Variants in MTMR1 observed in about 807,000 individuals in gnomAD.
MTMR1 encodes myotubularin related protein 1, also known as phosphatidylinositol-3-phosphate phosphatase MTMR1.
MTMR1 carries 17 observed loss-of-function variants against 51.6 expected under a neutral mutation model. The observed-to-expected ratio is 0.33, with a 90% CI of 0.23 to 0.49. The LOEUF (loss-of-function observed/expected upper bound fraction) is 0.49, where lower values mean the gene tolerates loss of function less well. Among genes scored for constraint, MTMR1 ranks in the 20% least tolerant of loss-of-function variants. The pLI is 0.99. For missense variants in MTMR1, 386 were observed against 526.9 expected, an observed-to-expected ratio of 0.73 and a Z score of 2.62; for synonymous variants, 201 against 205.6, an observed-to-expected ratio of 0.98 and a Z score of 0.19.
intron 5 of MTMR1, 146 bp downstream of exon 5, chrX:150,727,455 T>C: frequency 1.9e-6 from 1 of 524,986 alleles, no homozygotes; most frequent in Non-Finnish European, 3.0e-6. Flanking sequence ...AAACAGATGT[T>C]TGTATCTTGA....
chrX:150,716,743 T>C (rs897939104), intron 3 of MTMR1, among the ~76,000 whole-genome samples: 12 of 112,704 alleles, frequency 1.1e-4, no homozygotes, highest in African/African-American at 3.9e-4. Flanking sequence ...GTGATGAAAC[T>C]ACTATGTGTA....
At position 150,731,609 on chromosome X, in the gene MTMR1, G is replaced by A; in HGVS notation, c.881G>A (p.Gly294Asp). 1 of 1,200,438 alleles carries A rather than the reference G, an allele frequency of 8.3e-7. No individual in the cohort carries two copies. Among genetic ancestry groups the A allele is most frequent in the Non-Finnish European group, 1.1e-6 (1 of 889,217 alleles). Residue 294 changes from glycine (G) to aspartate (D), a missense_variant, in exon 9 of 16, where the codon GGC becomes GAC. Coordinates refer to ENST00000445323, the MANE Select transcript of MTMR1 (RefSeq NM_001306144.3). ...LSKVAAFRAKGRVPVLSWIHP... is the reference protein window; with the variant it reads ...LSKVAAFRAKDRVPVLSWIHP... ...AAAGTGGCAGCTTTTCGAGCAAAAG[G>A]CAGAGTCCCTGTAAGTAATAAACAT...
intron 4 of MTMR1, among the ~76,000 whole-genome samples, chrX:150,724,911 C>T (rs376637493): frequency 1.4e-4 from 16 of 111,632 alleles, no homozygotes; most frequent in African/African-American, 3.6e-4. Context: ...TATTTCTGGG[C>T]GCTCTATTCT....
At chrX:150,762,457 C>G in intron 15 of MTMR1, 108 bp from the exon 16 acceptor site, 2 of 1,033,603 alleles carry the variant, frequency 1.9e-6, no homozygotes, top group Non-Finnish European at 2.7e-6. Context: ...TTTGGCCGCT[C>G]CAGGAGTCTG....
At chrX:150,695,879 A>T (rs1421354982) in intron 1 of MTMR1, among the ~76,000 whole-genome samples, 1 of 111,130 alleles carries the variant, frequency 9.0e-6, no homozygotes, top group African/African-American at 3.3e-5. Context: ...GTGGATTTTC[A>T]AGATGCTTAC....
intron 15 of MTMR1, among the ~76,000 whole-genome samples, chrX:150,758,282 T>C (rs2042964966): frequency 9.0e-6 from 1 of 111,087 alleles, no homozygotes; most frequent in Non-Finnish European, 1.9e-5. Context: ...CCCAGTCCTC[T>C]GGGATATTGG....
chrX:150,705,253 A>T (rs923373463), intron 2 of MTMR1, among the ~76,000 whole-genome samples: 1 of 111,641 alleles, frequency 9.0e-6, no homozygotes, highest in Middle Eastern at 4.2e-3. Context: ...TCTAACACTG[A>T]TGTCGTCAAA....
At chrX:150,762,511 A>C in intron 15 of MTMR1, 54 bp from the exon 16 acceptor site, 3 of 1,197,378 alleles carry the variant, frequency 2.5e-6, no homozygotes, top group Non-Finnish European at 3.4e-6. Flanking sequence ...CCATGTGGAA[A>C]CGCTGTGGTA....
chrX:150,721,424 G>A (rs1461478431), intron 4 of MTMR1, among the ~76,000 whole-genome samples: 5 of 111,519 alleles, frequency 4.5e-5, no homozygotes, highest in African/African-American at 6.5e-5. Flanking sequence ...TCTTTTGTGC[G>A]AAGGTTTTTA....
chrX:150,746,846 T>C (rs2042587739), intron 13 of MTMR1, among the ~76,000 whole-genome samples: 2 of 112,573 alleles, frequency 1.8e-5, no homozygotes, highest in Admixed American at 1.9e-4. Flanking sequence ...GTTAATGCAT[T>C]AGCACAGACA....
intron 2 of MTMR1, among the ~76,000 whole-genome samples, chrX:150,708,267 G>A (rs2041183386): frequency 8.9e-6 from 1 of 111,772 alleles, no homozygotes. Context: ...TCTCACAACT[G>A]CATGTGGTTC....
chrX:150,709,112 G>T (rs2042877462), intron 2 of MTMR1, among the ~76,000 whole-genome samples: 1 of 112,255 alleles, frequency 8.9e-6, no homozygotes. Context: ...GGCCCAGAAT[G>T]CAGGCATTAG....
intron 12 of MTMR1, among the ~76,000 whole-genome samples, chrX:150,738,429 T>C (rs781960143): frequency 8.9e-5 from 10 of 112,462 alleles, no homozygotes; most frequent in South Asian, 7.3e-4. Flanking sequence ...TGAAGAATAC[T>C]GCGTGAATGT....
intron 13 of MTMR1, 51 bp from the exon 14 acceptor site, chrX:150,750,675 ATTAC>A: frequency 1.3e-6 from 1 of 780,593 alleles, no homozygotes; most frequent in Non-Finnish European, 1.9e-6. Context: ...AAAAAGTAAT[ATTAC>A]TTTTAGAAAT....
Position 150,727,279 on chromosome X carries a change from C to T in MTMR1, c.417C>T (p.Asp139=). Residue 139 remains aspartate (D), a synonymous_variant, in exon 5 of 16, where the codon GAC becomes GAT. Coordinates refer to ENST00000445323, the MANE Select transcript of MTMR1 (RefSeq NM_001306144.3). ...GAVSGTLTVT[D]FKLYFKNVER... is the part of the protein sequence containing the mutation. ...TGAGTGGAACCCTGACAGTGACGGA[C>T]TTTAAGCTGTACTTCAAAAATGTCG... The T allele has an allele frequency of 1.7e-6, 2 of 1,208,362 alleles. No individual in the cohort carries two copies. The highest frequency in any genetic ancestry group is 2.2e-6 in the Non-Finnish European group (2 of 892,908).
chrX:150,750,672 A>G (rs782217554), intron 13 of MTMR1, 58 bp from the exon 14 acceptor site: 1 of 749,374 alleles, frequency 1.3e-6, no homozygotes, highest in Non-Finnish European at 2.0e-6. Flanking sequence ...ATAAAAAAGT[A>G]ATATTACTTT....
chrX:150,764,696 T>TAAAGA lies in MTMR1; in HGVS notation c.*1969_*1973dup, dbSNP rs782531615. On this transcript the variant is annotated 3_prime_UTR_variant, in exon 16 of 16. Transcript: ENST00000445323. ...CCTAGAGGAGACTCTCATTCGATTT[T>TAAAGA]AAAGAAGCACAACGGGTCATTTTCC... 1 of 112,292 alleles carries TAAAGA rather than the reference T, an allele frequency of 8.9e-6. No homozygotes were observed. Among genetic ancestry groups the TAAAGA allele is most frequent in the African/African-American group, 3.2e-5 (1 of 30,836 alleles). The allele number at this position is 112,292 out of a possible 1,213,427, so 9.3% of individuals were successfully genotyped here.
intron 15 of MTMR1, among the ~76,000 whole-genome samples, chrX:150,761,545 AG>A (rs2043131642): frequency 8.9e-6 from 1 of 112,898 alleles, no homozygotes; most frequent in Non-Finnish European, 1.9e-5. Flanking sequence ...GGCCCCTCTC[AG>A]GGCAGGGGGA....
chrX:150,723,396 T>C (rs2041817407), intron 4 of MTMR1, among the ~76,000 whole-genome samples: 1 of 110,339 alleles, frequency 9.1e-6, no homozygotes, highest in Admixed American at 9.6e-5. Flanking sequence ...GGTCAAATGG[T>C]ATTTCTAGTT....
Sources: allele counts gnomAD v4.1 joint callset (sites outside exome capture counted in the v4.1 genomes callset), GRCh38; gene constraint gnomAD v4.1.1; transcripts MANE v1.5; gene names NCBI Gene and HGNC (gene_info 2026-07-23, HGNC 2026-07-21).